Variants in KCNQ3 observed in about 807,000 individuals in gnomAD.
KCNQ3 encodes potassium voltage-gated channel subfamily Q member 3.
KCNQ3 carries 30 observed loss-of-function variants against 92.5 expected under a neutral mutation model. That is an observed-to-expected ratio of 0.32 (90% CI 0.24 to 0.44). The LOEUF is 0.44. Among genes scored for constraint, KCNQ3 ranks in the 20% least tolerant of loss-of-function variants. The pLI, the probability that KCNQ3 is intolerant of heterozygous loss-of-function variation, is 1.00. For synonymous variants in KCNQ3, 450 were observed against 468.8 expected, an observed-to-expected ratio of 0.96 and a Z score of 0.52; for missense variants, 913 against 1,140.3, an observed-to-expected ratio of 0.80 and a Z score of 2.87.
chr8:132,410,539 G>A (rs1174227084), intron 1 of KCNQ3, among the ~76,000 whole-genome samples: 14 of 152,216 alleles, frequency 9.2e-5, no homozygotes, highest in Non-Finnish European at 1.5e-5. Flanking sequence ...AAAATGCATT[G>A]CATGCAAAGT....
chr8:132,385,501 G>A (rs1819866554), intron 1 of KCNQ3, among the ~76,000 whole-genome samples: 1 of 152,202 alleles, frequency 6.6e-6, no homozygotes, highest in African/African-American at 2.4e-5. Flanking sequence ...GGAAGGTTGT[G>A]TCCTCAAGAA....
chr8:132,289,750 C>A (rs1018542476), intron 1 of KCNQ3, among the ~76,000 whole-genome samples: 4 of 152,104 alleles, frequency 2.6e-5, no homozygotes, highest in Non-Finnish European at 1.5e-5. Flanking sequence ...TGAAAATATT[C>A]TCAGTCAGTT....
chr8:132,401,040 C>T (rs1216981320), intron 1 of KCNQ3, among the ~76,000 whole-genome samples: 1 of 152,162 alleles, frequency 6.6e-6, no homozygotes. Context: ...TTTCACAAAA[C>T]AAGAGCAGGA....
At position 132,414,467 on chromosome 8, in the gene KCNQ3, AT is replaced by A. The variant is rs780796775; in HGVS notation, c.386+65679del. 3.3e-4 allele frequency among the ~76,000 whole-genome samples: 50 copies of A among 152,212 alleles called. 1 individual carries two copies. Among genetic ancestry groups the A allele is most frequent in the Non-Finnish European group, 2.5e-4 (17 of 68,038 alleles). On this transcript the variant is annotated intron_variant, in intron 1 of 14. Transcript: ENST00000388996. ...CCAAGGCATGTCAAATGCAGCTGCT[AT>A]TTCCAGCAGCTATTCTACCAGAGAA...
intron 1 of KCNQ3, among the ~76,000 whole-genome samples, chr8:132,247,816 A>T (rs999733328): frequency 2.6e-5 from 4 of 151,890 alleles, no homozygotes; most frequent in African/African-American, 9.7e-5. Flanking sequence ...AAAAAAAGAC[A>T]GAATATTTCA....
At chr8:132,145,552 G>C (rs1431795574) in intron 9 of KCNQ3, among the ~76,000 whole-genome samples, 1 of 152,138 alleles carries the variant, frequency 6.6e-6, no homozygotes, top group South Asian at 2.1e-4. Context: ...TAAATCCCAG[G>C]CTCAAGGTAA....
chr8:132,345,765 T>C (rs867225188), intron 1 of KCNQ3, among the ~76,000 whole-genome samples: 7 of 152,132 alleles, frequency 4.6e-5, no homozygotes, highest in African/African-American at 1.2e-4. Flanking sequence ...GCTCAGTAAA[T>C]AGTTCTTGTA....
At chr8:132,235,716 C>T (rs1814792754) in intron 1 of KCNQ3, among the ~76,000 whole-genome samples, 1 of 152,236 alleles carries the variant, frequency 6.6e-6, no homozygotes, top group Non-Finnish European at 1.5e-5. Context: ...CAGGTCGGAA[C>T]GTCTGCCTTT....
chr8:132,190,163 G>T (rs887601281), intron 1 of KCNQ3, among the ~76,000 whole-genome samples: 1 of 152,122 alleles, frequency 6.6e-6, no homozygotes, highest in Non-Finnish European at 1.5e-5. Flanking sequence ...GCTGGACTCT[G>T]AGACTTTACA....
At chr8:132,154,214 T>TTTTTTTTTTTTTTTTTTTTC (rs1825735823) in intron 9 of KCNQ3, among the ~76,000 whole-genome samples, 1 of 138,932 alleles carries the variant, frequency 7.2e-6, no homozygotes, top group African/African-American at 3.0e-5. Context: ...TTTTTTTTTT[T>TTTTTTTTTTTTTTTTTTTTC]TTTTTTTTTA....
chr8:132,340,138 T>C (rs1459523253), intron 1 of KCNQ3, among the ~76,000 whole-genome samples: 1 of 152,022 alleles, frequency 6.6e-6, no homozygotes, highest in African/African-American at 2.4e-5. Flanking sequence ...TGTGGAGAAA[T>C]AGGAATGCTT....
intron 1 of KCNQ3, among the ~76,000 whole-genome samples, chr8:132,368,049 C>A (rs1454112396): frequency 1.3e-5 from 2 of 152,206 alleles, no homozygotes; most frequent in Non-Finnish European, 2.9e-5. Flanking sequence ...CACAAGGCAA[C>A]AGCACCTCCT....
intron 1 of KCNQ3, among the ~76,000 whole-genome samples, chr8:132,475,151 G>A (rs912089066): frequency 6.6e-6 from 1 of 152,172 alleles, no homozygotes; most frequent in Non-Finnish European, 1.5e-5. Flanking sequence ...ATGCAGAACT[G>A]TGAGTCAACT....
chr8:132,140,120 G>T lies in KCNQ3; in HGVS notation c.1524C>A (p.Ile508=). The change falls in exon 11 of 15, where the codon ATC becomes ATA. Residue 508 remains isoleucine (I), a synonymous_variant. Coordinates refer to ENST00000388996, the MANE Select transcript of KCNQ3 (RefSeq NM_004519.4). ...CCTTCAGGGTGGGGATCATGTCTTC[G>T]ATGGGGAAGTCATTCCCATAGCCCC... is the stretch of plus-strand genomic sequence containing the variant. ...EDRGYGNDFP[I]EDMIPTLKAA... is the part of the protein sequence containing the mutation. The T allele has an allele frequency of 6.2e-7, 1 of 1,611,704 alleles. No individual in the cohort carries two copies. The highest frequency in any genetic ancestry group is 1.7e-5 in the Admixed American group (1 of 59,786).
intron 1 of KCNQ3, among the ~76,000 whole-genome samples, chr8:132,370,624 C>T (rs118023919): frequency 0.016 from 2,486 of 152,218 alleles, 25 homozygotes; most frequent in Non-Finnish European, 0.025. Flanking sequence ...TGCAGAGCAA[C>T]GGGGGAACTC....
At chr8:132,345,149 A>G (rs925908714) in intron 1 of KCNQ3, among the ~76,000 whole-genome samples, 2 of 152,126 alleles carry the variant, frequency 1.3e-5, no homozygotes, top group Non-Finnish European at 2.9e-5. Context: ...ACTCTGATGA[A>G]ATTTAGAATA....
chr8:132,239,204 T>A (rs1471938877), intron 1 of KCNQ3, among the ~76,000 whole-genome samples: 2 of 152,172 alleles, frequency 1.3e-5, no homozygotes, highest in African/African-American at 4.8e-5. Context: ...AAGCTGCAAA[T>A]TCCAACACAT....
At chr8:132,421,700 T>C (rs148745955) in intron 1 of KCNQ3, among the ~76,000 whole-genome samples, 10 of 152,248 alleles carry the variant, frequency 6.6e-5, no homozygotes, top group African/African-American at 2.4e-4. Context: ...CAAACCTCCG[T>C]AAGCAGGAAC....
chr8:132,480,300 T>C lies in KCNQ3; in HGVS notation c.233A>G (p.Gln78Arg). The change falls in exon 1 of 15, where the codon CAG (glutamine) becomes CGG (arginine). Residue 78 changes from glutamine (Q) to arginine (R), a missense_variant. Transcript: ENST00000388996. Reference protein sequence around the residue: ...LLEGGGRDEGQRRTPQGIGLL... With the variant: ...LLEGGGRDEGRRRTPQGIGLL... ...CCCGATGCCCTGCGGGGTCCTCCGC[T>C]GCCCCTCGTCGCGGCCGCCGCCCTC... 6.2e-7 allele frequency: 1 copy of C among 1,605,210 alleles called. No individual in the cohort carries two copies. Among genetic ancestry groups the C allele is most frequent in the Non-Finnish European group, 8.5e-7 (1 of 1,176,014 alleles).
Sources: allele counts gnomAD v4.1 joint callset (sites outside exome capture counted in the v4.1 genomes callset), GRCh38; gene constraint gnomAD v4.1.1; transcripts MANE v1.5; gene names NCBI Gene and HGNC (gene_info 2026-07-23, HGNC 2026-07-21).